AATK: variants seen among roughly 807,000 people sequenced by gnomAD.
AATK encodes lemur tail kinase 1.
In AATK, 91 loss-of-function variants were observed where a neutral mutation model predicts 114.3. That is an observed-to-expected ratio of 0.80 (90% confidence interval 0.67 to 0.95). The LOEUF is 0.95. AATK is among the 40% of genes least tolerant of loss of function. AATK has a pLI of 0.00. For synonymous variants in AATK, 1,075 were observed against 916.5 expected (o/e 1.17, Z -3.12); for missense variants, 2,176 against 1,965.2 (o/e 1.11, Z -2.03).
chr17:81,120,752 G>C lies in AATK; in HGVS notation c.3184C>G (p.Leu1062Val). Residue 1062 changes from leucine to valine, a missense_variant, in exon 11 of 14, where the codon CTT (leucine) becomes GTT (valine). Physicochemically the swap from Leu to Val is conservative, Grantham distance 32 (BLOSUM62 1). Transcript: ENST00000326724. ...PGEVLPPLLQ[L>V]EGSSPEPSTC... Reference sequence around the variant, plus strand: ...CTGGGCTCTGGGGAGGACCCTTCAAGCTGCAGCAGTGGGGGCAGCACCTCC... The same window carrying C: ...CTGGGCTCTGGGGAGGACCCTTCAACCTGCAGCAGTGGGGGCAGCACCTCC... The C allele has an allele frequency of 6.3e-7, 1 of 1,577,382 alleles. No homozygotes were observed. Among genetic ancestry groups the C allele is most frequent in the South Asian group, 1.2e-5 (1 of 86,128 alleles).
Position 81,127,725 on chromosome 17 carries a change from G to A in AATK, c.534-55C>T, listed in dbSNP as rs897869962. On this transcript the variant is annotated intron_variant, in intron 5 of 13. Coordinates refer to ENST00000326724, the MANE Select transcript of AATK (RefSeq NM_001080395.3). ...TGGGAGGAGGTGGGGAGGGGGAGTCGGGCCGAGCAGGGGAGGGAGAGGAGG... is the reference window on the plus strand; with the variant it reads ...TGGGAGGAGGTGGGGAGGGGGAGTCAGGCCGAGCAGGGGAGGGAGAGGAGG... 249 of 1,527,788 alleles carry A rather than the reference G, an allele frequency of 1.6e-4. 1 individual carries two copies. The highest frequency in any genetic ancestry group is 3.0e-4 in the South Asian group (25 of 83,570). The allele number at this position is 1,527,788 out of a possible 1,614,324, so 94.6% of individuals were successfully genotyped here.
chr17:81,132,655 C>T (rs1203450333), intron 2 of AATK: 1 of 305,968 alleles, frequency 3.3e-6, no homozygotes, highest in South Asian at 2.4e-5. Flanking sequence ...CCAGGCATTA[C>T]CTGCTGCCCG....
intron 1 of AATK, among the ~76,000 whole-genome samples, chr17:81,164,018 T>C (rs1206456949): frequency 6.6e-6 from 1 of 152,180 alleles, no homozygotes; most frequent in East Asian, 1.9e-4. Context: ...CTCGCTCCAA[T>C]TCGGGGATGG....
chr17:81,122,898 G>C, intron 10 of AATK, 75 bp from the exon 11 acceptor site: 1 of 1,318,186 alleles, frequency 7.6e-7, no homozygotes, highest in Non-Finnish European at 1.0e-6. Context: ...AGGGATGGGG[G>C]TTCCCCTAAC....
At chr17:81,125,183 C>T in intron 7 of AATK, 169 bp from the exon 8 acceptor site, 1 of 672,210 alleles carries the variant, frequency 1.5e-6, no homozygotes, top group East Asian at 2.7e-5. Flanking sequence ...GTTGGAGACA[C>T]TGCCACCCCC....
chr17:81,155,908 C>G (rs2061355696), intron 1 of AATK, among the ~76,000 whole-genome samples: 1 of 151,172 alleles, frequency 6.6e-6, no homozygotes, highest in South Asian at 2.1e-4. Context: ...CCTTGAACTC[C>G]TGGGCTCAAG....
chr17:81,145,733 C>CAAAAAAAAAAAAAAA, intron 1 of AATK, among the ~76,000 whole-genome samples: 1 of 71,150 alleles, frequency 1.4e-5, no homozygotes, highest in Non-Finnish European at 2.7e-5. Context: ...AACTCCATCT[C>CAAAAAAAAAAAAAAA]AAAAAAAAAA....
intron 1 of AATK, 52 bp downstream of exon 1, chr17:81,165,880 CATCACG>C: frequency 6.5e-7 from 1 of 1,548,238 alleles, no homozygotes; most frequent in Non-Finnish European, 8.7e-7. Flanking sequence ...GGCCCAGGGG[CATCACG>C]TCCGCAGCGG....
chr17:81,159,994 C>T (rs1436869202), intron 1 of AATK, among the ~76,000 whole-genome samples: 4 of 152,190 alleles, frequency 2.6e-5, no homozygotes, highest in South Asian at 4.1e-4. Flanking sequence ...AGGCTGGCCA[C>T]GCCCCGCCGT....
Position 81,165,957 on chromosome 17 carries a change from G to A in AATK, c.36C>T (p.Phe12=). 1.0e-5 allele frequency: 16 copies of A among 1,585,842 alleles called. No individual in the cohort carries two copies. Among genetic ancestry groups the A allele is most frequent in the Non-Finnish European group, 1.4e-5 (16 of 1,167,700 alleles). Residue 12 remains phenylalanine, a synonymous_variant, in exon 1 of 14, where the codon TTC becomes TTT. Coordinates refer to ENST00000326724, the MANE Select transcript of AATK (RefSeq NM_001080395.3). The part of the protein sequence containing the change: ...SSSFFNPSFA[F]SSHFDPDGAP... ...ACTCACCGGGGTCGAAGTGCGAGCT[G>A]AAGGCGAAGCTGGGGTTGAAGAAGG...
rs1292649174 is a variant in AATK at position 81,128,051 on chromosome 17, G to A, written c.415-141C>T. 24 of 1,021,162 alleles carry A rather than the reference G, an allele frequency of 2.4e-5. No homozygotes were observed. The East Asian group carries it at 3.4e-4, about 14-fold the overall frequency. The allele number at this position is 1,021,162 out of a possible 1,614,324, so 63.3% of individuals were successfully genotyped here. ...CTGTGCCCCGTCCACTCATTGCAGC[G>A]TGAGGTATGGCTTCCGGATCCCTCC... On this transcript the variant is annotated intron_variant, in intron 4 of 13. Coordinates refer to ENST00000326724, the MANE Select transcript of AATK (RefSeq NM_001080395.3).
chr17:81,124,605 T>A, intron 9 of AATK, 122 bp downstream of exon 9: 7 of 1,483,118 alleles, frequency 4.7e-6, no homozygotes, highest in Non-Finnish European at 6.3e-6. Context: ...GCTGCTGGCG[T>A]GTGGCCACTA....
At chr17:81,158,395 G>T (rs1227764366) in intron 1 of AATK, among the ~76,000 whole-genome samples, 1 of 152,216 alleles carries the variant, frequency 6.6e-6, no homozygotes, top group Non-Finnish European at 1.5e-5. Context: ...CGGTGTGCTG[G>T]TCAGTGTCTG....
chr17:81,126,518 A>G lies in AATK; in HGVS notation c.664T>C (p.Ser222Pro). ...AGGGTCCGGGGGTCGGGAGCCATGG[A>G]CTCCGCCACCCGGCAGCTCCGCAGG... ...GYLRSCRVAE[S>P]MAPDPRTLQR... Residue 222 changes from serine (S) to proline (P), a missense_variant, in exon 7 of 14, where the codon TCC becomes CCC. Transcript: ENST00000326724. The surrounding 1 kb of genome is among the most constrained non-coding windows in gnomAD (Gnocchi z 5.1). The G allele has an allele frequency of 1.3e-6, 2 of 1,549,070 alleles. No homozygotes were observed. Among genetic ancestry groups the G allele is most frequent in the South Asian group, 2.4e-5 (2 of 84,068 alleles).
rs758313627 is a variant in AATK at position 81,131,104 on chromosome 17, G to C, written c.291C>G (p.Leu97=). ...TGGCCATGGGCAAGGAGACCTCCGTGAGTGGCAGGACGTACACGTCGGGCC... is the reference window on the plus strand; with the variant it reads ...TGGCCATGGGCAAGGAGACCTCCGTCAGTGGCAGGACGTACACGTCGGGCC... ...QNGPDVYVLP[L]TEVSLPMAKQ... Residue 97 remains leucine, a synonymous_variant, in exon 3 of 14, where the codon CTC becomes CTG. Transcript: ENST00000326724. The C allele has an allele frequency of 6.4e-7, 1 of 1,558,980 alleles. No individual in the cohort carries two copies. Among genetic ancestry groups the C allele is most frequent in the South Asian group, 1.2e-5 (1 of 84,698 alleles).
rs1271933191 is a variant in AATK, at chr17:81,121,656, C to T, written c.2280G>A (p.Leu760=). 11 of 1,499,342 alleles carry T rather than the reference C, an allele frequency of 7.3e-6. No individual in the cohort carries two copies. The highest frequency in any genetic ancestry group is 1.4e-5 in the African/African-American group (1 of 71,810). 92.9% of individuals were successfully genotyped at this position (1,499,342 alleles called of 1,614,324 possible). ...CTGTCTCTGTCCAGGAGGGTGTAAC[C>T]AGGCAGGGAGCAGGTGCCAGGCCCT... ...SAQGLAPAPC[L]VTPSWTETAS... The change falls in exon 11 of 14, where the codon CTG becomes CTA. Residue 760 remains leucine (L), a synonymous_variant. Transcript: ENST00000326724.
chr17:81,118,292 C>A lies in AATK; in HGVS notation c.*110G>T. The A allele has an allele frequency of 8.5e-7, 1 of 1,182,892 alleles. No individual in the cohort carries two copies. The highest frequency in any genetic ancestry group is 1.2e-6 in the Non-Finnish European group (1 of 831,058). 73.3% of individuals were successfully genotyped at this position (1,182,892 alleles called of 1,614,324 possible). ...CGTGGGGCAGAGGCACCTGAATCTG[C>A]TGCCAACAGCCACCAGGACGTGGTC... On this transcript the variant is annotated 3_prime_UTR_variant, in exon 14 of 14. Transcript: ENST00000326724.
In AATK at chr17:81,128,043, A is replaced by G. The variant is rs2060871908; in HGVS notation, c.415-133T>C. 20 of 1,105,900 alleles carry G rather than the reference A, an allele frequency of 1.8e-5. No homozygotes were observed. The South Asian group carries it at 3.0e-4, about 16-fold the overall frequency. 68.5% of individuals were successfully genotyped at this position (1,105,900 alleles called of 1,614,324 possible). On this transcript the variant is annotated intron_variant, in intron 4 of 13. Coordinates refer to ENST00000326724, the MANE Select transcript of AATK (RefSeq NM_001080395.3). ...TTCTCCTCCTGTGCCCCGTCCACTC[A>G]TTGCAGCGTGAGGTATGGCTTCCGG...
In AATK at chr17:81,123,226, C is replaced by T. The variant is rs1310755391; in HGVS notation, c.1080G>A (p.Lys360=). The T allele has an allele frequency of 2.1e-6, 3 of 1,422,934 alleles. No homozygotes were observed. Among genetic ancestry groups the T allele is most frequent in the Non-Finnish European group, 2.8e-6 (3 of 1,089,292 alleles). The allele number at this position is 1,422,934 out of a possible 1,614,324, so 88.1% of individuals were successfully genotyped here. A position where few individuals can be genotyped will look rare whatever the true frequency, so the allele number is the denominator to read the frequency against. ...TVREQQLKLP[K]PQLQLTLSDR... is the part of the protein sequence containing the mutation. ...CCGACAGGGTCAGCTGCAGCTGGGG[C>T]TTGGGCAGCTTGAGCTGCTGCTCCC... Residue 360 remains lysine (K), a synonymous_variant, in exon 10 of 14, where the codon AAG becomes AAA. Transcript: ENST00000326724.
Sources: gnomAD v4.1 joint callset for allele counts (sites outside exome capture counted in the v4.1 genomes callset) on GRCh38, gnomAD v4.1.1 for gene constraint, Gnocchi (gnomAD v3.1) non-coding constraint, MANE v1.5 for transcripts, NCBI Gene and HGNC (gene_info 2026-07-23, HGNC 2026-07-21) for gene names.